ZFAND3: variants seen among roughly 807,000 people sequenced by gnomAD.
ZFAND3 encodes AN1-type zinc finger protein 3.
Under a neutral mutation model 29.6 loss-of-function variants are expected in ZFAND3, and 10 were observed. That is an observed-to-expected ratio of 0.34 (90% confidence interval 0.21 to 0.57). ZFAND3 has a LOEUF of 0.57. Ranked by LOEUF, ZFAND3 falls within the 20% of genes least tolerant of loss-of-function variation. The pLI is 0.86. For missense variants in ZFAND3, 230 were observed against 304.5 expected, an observed-to-expected ratio of 0.76 and a Z score of 1.82; for synonymous variants, 128 against 112.6, an observed-to-expected ratio of 1.14 and a Z score of -0.87.
intron 4 of ZFAND3, among the ~76,000 whole-genome samples, chr6:38,106,208 A>G (rs945827288): frequency 2.6e-5 from 4 of 151,846 alleles, no homozygotes; most frequent in Admixed American, 6.6e-5. Flanking sequence ...CTGGAGTGCA[A>G]TGGTGCAATC....
chr6:38,047,973 GTT>G (rs58542714), intron 2 of ZFAND3, among the ~76,000 whole-genome samples: 1 of 137,624 alleles, frequency 7.3e-6, no homozygotes, highest in Non-Finnish European at 1.6e-5. Flanking sequence ...GGTTTTTTTT[GTT>G]TTTTTTTTTT....
intron 1 of ZFAND3, among the ~76,000 whole-genome samples, chr6:37,891,084 C>T (rs923205743): frequency 6.6e-6 from 1 of 152,190 alleles, no homozygotes; most frequent in Non-Finnish European, 1.5e-5. Flanking sequence ...TCTCTATCCC[C>T]CAAACCCGGA....
At chr6:38,071,611 A>G (rs1003665144) in intron 3 of ZFAND3, among the ~76,000 whole-genome samples, 2 of 152,028 alleles carry the variant, frequency 1.3e-5, no homozygotes, top group African/African-American at 4.8e-5. Context: ...GATTTGGATT[A>G]TATTGAATAT....
chr6:38,144,171 G>GATAT (rs1315714773), intron 5 of ZFAND3, among the ~76,000 whole-genome samples: 1 of 87,340 alleles, frequency 1.1e-5, no homozygotes, highest in Non-Finnish European at 2.1e-5. Context: ...AGAAAAATGT[G>GATAT]ATATATATAT....
At position 38,101,005 on chromosome 6, in the gene ZFAND3, A is replaced by T. The variant is rs979043478; in HGVS notation, c.362-15567A>T. Among the ~76,000 whole-genome samples the T allele has an allele frequency of 6.6e-5, 10 of 152,344 alleles. No homozygotes were observed. The East Asian group carries it at 1.5e-3, about 24-fold the overall frequency. ...AATTATTTTACACAGCTACAGTACA[A>T]TTGTCAAAATTGCGAACTTAACACT... is the stretch of plus-strand genomic sequence containing the variant. On this transcript the variant is annotated intron_variant, in intron 4 of 5. Transcript: ENST00000287218.
At chr6:38,127,597 CTTTG>C (rs2127489798) in intron 5 of ZFAND3, among the ~76,000 whole-genome samples, 1 of 152,076 alleles carries the variant, frequency 6.6e-6, no homozygotes, top group East Asian at 1.9e-4. Context: ...TTTAGAAATG[CTTTG>C]TTTGAATTAA....
intron 1 of ZFAND3, among the ~76,000 whole-genome samples, chr6:37,871,047 T>G (rs764755976): frequency 2.6e-5 from 4 of 152,248 alleles, no homozygotes; most frequent in Non-Finnish European, 5.9e-5. Context: ...ATTTTGGTCA[T>G]TATTTCTCCA....
At chr6:38,107,998 TAA>T (rs1562002188) in intron 4 of ZFAND3, among the ~76,000 whole-genome samples, 3 of 151,874 alleles carry the variant, frequency 2.0e-5, no homozygotes, top group African/African-American at 7.2e-5. Context: ...TGTTCTAAAT[TAA>T]AAGAGATTTA....
intron 1 of ZFAND3, among the ~76,000 whole-genome samples, chr6:37,825,136 G>A (rs988729453): frequency 1.3e-5 from 2 of 152,190 alleles, no homozygotes; most frequent in African/African-American, 2.4e-5. Flanking sequence ...CTCATAGTGT[G>A]TGGACTTCAC....
Position 37,920,538 on chromosome 6 carries a change from C to A in ZFAND3, c.72-9421C>A, listed in dbSNP as rs1452454716. Among the ~76,000 whole-genome samples the A allele has an allele frequency of 3.9e-5, 6 of 152,082 alleles. No individual in the cohort carries two copies. The East Asian group carries it at 9.6e-4, about 24-fold the overall frequency. On this transcript the variant is annotated intron_variant, in intron 1 of 5. Coordinates refer to ENST00000287218, the MANE Select transcript of ZFAND3 (RefSeq NM_021943.3). ...GCAAGTACTTGAAACACACAAAAATCGAGGCATTTTGCTCTGCTGTCCTTG... is the reference window on the plus strand; with the variant it reads ...GCAAGTACTTGAAACACACAAAAATAGAGGCATTTTGCTCTGCTGTCCTTG...
intron 1 of ZFAND3, among the ~76,000 whole-genome samples, chr6:37,863,487 C>T (rs1395091781): frequency 6.6e-6 from 1 of 152,154 alleles, no homozygotes; most frequent in Non-Finnish European, 1.5e-5. Context: ...TTGTCTTTCA[C>T]CCTGACTCTT....
intron 1 of ZFAND3, among the ~76,000 whole-genome samples, chr6:37,829,342 C>A (rs868657535): frequency 2.0e-5 from 3 of 152,028 alleles, no homozygotes; most frequent in Non-Finnish European, 1.5e-5. Flanking sequence ...TCGAGACCAG[C>A]CTGGACAACA....
At chr6:38,043,552 CT>C in intron 2 of ZFAND3, among the ~76,000 whole-genome samples, 1 of 148,906 alleles carries the variant, frequency 6.7e-6, no homozygotes, top group Non-Finnish European at 1.5e-5. Context: ...TTTCTCCCCT[CT>C]TCCTCCTTCC....
intron 2 of ZFAND3, among the ~76,000 whole-genome samples, chr6:37,997,187 A>G (rs765921449): frequency 1.3e-5 from 2 of 152,188 alleles, no homozygotes; most frequent in Non-Finnish European, 2.9e-5. Flanking sequence ...TTAGTTATTT[A>G]TACTGTTTTC....
At chr6:37,829,723 C>T (rs189971179) in intron 1 of ZFAND3, among the ~76,000 whole-genome samples, 59 of 152,298 alleles carry the variant, frequency 3.9e-4, no homozygotes, top group African/African-American at 1.3e-3. Flanking sequence ...CCTGTTCCCC[C>T]AACCTCACCC....
At chr6:38,070,566 C>G (rs943042766) in intron 3 of ZFAND3, among the ~76,000 whole-genome samples, 3 of 152,056 alleles carry the variant, frequency 2.0e-5, no homozygotes, top group Non-Finnish European at 2.9e-5. Flanking sequence ...CTATATTGCC[C>G]TTACTATCCT....
At chr6:38,010,395 A>G (rs1191017629) in intron 2 of ZFAND3, among the ~76,000 whole-genome samples, 1 of 152,128 alleles carries the variant, frequency 6.6e-6, no homozygotes, top group Non-Finnish European at 1.5e-5. Flanking sequence ...TGAAGGAAAC[A>G]GTGTTATTTG....
At chr6:38,118,126 G>A (rs1765457216) in intron 5 of ZFAND3, among the ~76,000 whole-genome samples, 1 of 152,188 alleles carries the variant, frequency 6.6e-6, no homozygotes, top group African/African-American at 2.4e-5. Context: ...GGGAATAGAG[G>A]CTGACAGCAG....
chr6:38,103,428 T>TATATATACACGTGTATATATATACACAC (rs1179891424), intron 4 of ZFAND3, among the ~76,000 whole-genome samples: 2 of 134,882 alleles, frequency 1.5e-5, no homozygotes, highest in South Asian at 2.5e-4. Flanking sequence ...TACACACACA[T>TATATATACACGTGTATATATATACACAC]ATATATACAC....
Sources: gnomAD v4.1 joint callset for allele counts (sites outside exome capture counted in the v4.1 genomes callset) on GRCh38, gnomAD v4.1.1 for gene constraint, MANE v1.5 for transcripts, NCBI Gene and HGNC (gene_info 2026-07-23, HGNC 2026-07-21) for gene names.